THAP12: variants seen among roughly 807,000 people sequenced by gnomAD.
THAP12 encodes the protein THAP domain containing 12, also known as 52 kDa repressor of the inhibitor of the protein kinase.
THAP12 carries 20 observed loss-of-function variants against 63.0 expected under a neutral mutation model. The ratio of observed to expected loss-of-function variants is 0.32; its 90% CI spans 0.22 to 0.46. THAP12 has a LOEUF of 0.46. THAP12 is among the 20% of genes least tolerant of loss of function. The pLI is 1.00. For missense variants in THAP12, 568 were observed against 908.2 expected (o/e 0.63, Z 4.81); for synonymous variants, 264 against 328.4 (o/e 0.80, Z 2.12).
chr11:76,368,958 G>T (rs1235885144), intron 1 of THAP12, among the ~76,000 whole-genome samples: 1 of 152,136 alleles, frequency 6.6e-6, no homozygotes, highest in African/African-American at 2.4e-5. Context: ...ATTTAAGAGT[G>T]AAATGGCAGA....
Position 76,365,857 on chromosome 11 carries a change from T to C in THAP12, c.205A>G (p.Arg69Gly). Residue 69 changes from arginine (R) to glycine (G), a missense_variant, in exon 2 of 5, where the codon AGA becomes GGA. Coordinates refer to ENST00000260045, the MANE Select transcript of THAP12 (RefSeq NM_004705.4). ...AKHFETSMIC[R>G]TSPYRTVLRD... ...CAAGCTCTTCTATTACTCACAGTTC[T>C]ACAGATCATAGAGGTCTCAAAATGT... 6.2e-7 allele frequency: 1 copy of C among 1,612,320 alleles called. No individual in the cohort carries two copies. The highest frequency in any genetic ancestry group is 8.5e-7 in the Non-Finnish European group (1 of 1,179,340).
Position 76,352,079 on chromosome 11 carries a change from T to C in THAP12, c.1071A>G (p.Thr357=). The C allele has an allele frequency of 1.2e-6, 2 of 1,611,808 alleles. No individual in the cohort carries two copies. Among genetic ancestry groups the C allele is most frequent in the African/African-American group, 2.7e-5 (2 of 74,906 alleles). ...TATTTAAGGCACAGGAAGAGCAGAG[T>C]GTGTAGATAGCTTGGGGATATTTCT... ...LLEKYPQAIY[T]LCSSCALNMW... The change falls in exon 5 of 5, where the codon ACA becomes ACG. Residue 357 remains threonine (T), a synonymous_variant. Transcript: ENST00000260045.
chr11:76,363,598 T>TTTGTTTG (rs1946612692), intron 2 of THAP12, among the ~76,000 whole-genome samples: 1 of 151,788 alleles, frequency 6.6e-6, no homozygotes, highest in South Asian at 2.1e-4. Flanking sequence ...TTTTTGTTTG[T>TTTGTTTG]TTGTTTTTGA....
intron 1 of THAP12, among the ~76,000 whole-genome samples, chr11:76,373,294 G>T (rs545572565): frequency 6.6e-6 from 1 of 150,782 alleles, no homozygotes; most frequent in African/African-American, 2.4e-5. Flanking sequence ...TGCAATGACT[G>T]GAGATCGTGT....
chr11:76,377,712 T>C lies in THAP12; in HGVS notation c.89+3036A>G, dbSNP rs377074454. On this transcript the variant is annotated intron_variant, in intron 1 of 4. Transcript: ENST00000260045. ...AGTGCTGCTATGAATGTGTGTACAT[T>C]TGGTTTTTTTGAATATCAGTTTGCA... Among the ~76,000 whole-genome samples the C allele has an allele frequency of 3.3e-5, 5 of 152,356 alleles. No individual in the cohort carries two copies. The East Asian group carries it at 5.8e-4, about 18-fold the overall frequency.
rs1946596421 is a variant in THAP12 at position 76,361,307 on chromosome 11, C to T, written c.211-244G>A. The stretch of plus-strand genomic sequence containing the variant: ...AGGTAGGCATAAAATATAAAATGTA[C>T]TTGCATTTTGCATATCTGTTTCTAA... On this transcript the variant is annotated intron_variant, in intron 2 of 4. Coordinates refer to ENST00000260045, the MANE Select transcript of THAP12 (RefSeq NM_004705.4). 7.5e-6 allele frequency: 3 copies of T among 399,902 alleles called. No homozygotes were observed. The South Asian group carries it at 1.1e-4, about 15-fold the overall frequency. 24.8% of individuals were successfully genotyped at this position (399,902 alleles called of 1,614,324 possible).
chr11:76,380,059 C>T (rs559928158), intron 1 of THAP12, among the ~76,000 whole-genome samples: 69 of 152,292 alleles, frequency 4.5e-4, no homozygotes, highest in Non-Finnish European at 2.5e-4. Flanking sequence ...TGAAACATCT[C>T]AGCCTTTCAA....
intron 1 of THAP12, 21 bp downstream of exon 1, chr11:76,380,727 C>T: frequency 1.4e-6 from 2 of 1,400,808 alleles, no homozygotes; most frequent in Non-Finnish European, 1.9e-6. Context: ...CCGGGCCGCC[C>T]GCTCTGCGCC....
At position 76,371,895 on chromosome 11, in the gene THAP12, C is replaced by T. The variant is rs147040346; in HGVS notation, c.90-5923G>A. On this transcript the variant is annotated intron_variant, in intron 1 of 4. Coordinates refer to ENST00000260045, the MANE Select transcript of THAP12 (RefSeq NM_004705.4). ...TGGCACAATCTTGGCTCCCTGCAACCTCTGCCTCCTGGGTTCAAGCTACTC... is the reference window on the plus strand; with the variant it reads ...TGGCACAATCTTGGCTCCCTGCAACTTCTGCCTCCTGGGTTCAAGCTACTC... Among the ~76,000 whole-genome samples the T allele has an allele frequency of 4.9e-3, 714 of 145,362 alleles. 13 individuals carry two copies. Among genetic ancestry groups the T allele is most frequent in the East Asian group, 0.047 (235 of 4,980 alleles).
chr11:76,360,263 C>G (rs544973266), intron 3 of THAP12, among the ~76,000 whole-genome samples: 2 of 152,230 alleles, frequency 1.3e-5, no homozygotes, highest in South Asian at 2.1e-4. Context: ...ATTAAATACA[C>G]TAGCATGGAC....
intron 2 of THAP12, 28 bp from the exon 3 acceptor site, chr11:76,361,091 A>T: frequency 3.5e-6 from 5 of 1,415,786 alleles, no homozygotes; most frequent in Non-Finnish European, 5.0e-6. Flanking sequence ...GTTAATTCAG[A>T]GATGGTCCTT....
chr11:76,375,743 A>G (rs1946704621), intron 1 of THAP12, among the ~76,000 whole-genome samples: 1 of 11,242 alleles, frequency 8.9e-5, no homozygotes, highest in African/African-American at 2.1e-4. Context: ...TATAGAAGAA[A>G]AGGTGGGGGG....
chr11:76,373,307 T>C (rs1229067493), intron 1 of THAP12, among the ~76,000 whole-genome samples: 2 of 150,042 alleles, frequency 1.3e-5, no homozygotes, highest in African/African-American at 2.5e-5. Flanking sequence ...GATCGTGTCA[T>C]TGCACTTTAG....
intron 1 of THAP12, among the ~76,000 whole-genome samples, chr11:76,368,977 T>C (rs1946651667): frequency 6.6e-6 from 1 of 152,200 alleles, no homozygotes; most frequent in Admixed American, 6.5e-5. Flanking sequence ...GACCACAAAA[T>C]GTCAGATATT....
chr11:76,357,033 ACT>A (rs1402049204), intron 3 of THAP12: 2 of 149,748 alleles, frequency 1.3e-5, no homozygotes, highest in African/African-American at 2.5e-5. Context: ...CAAGAGCGAG[ACT>A]CTGTCTCAAA....
intron 2 of THAP12, 58 bp from the exon 3 acceptor site, chr11:76,361,121 A>G (rs1946595416): frequency 9.2e-7 from 1 of 1,081,826 alleles, no homozygotes; most frequent in African/African-American, 1.6e-5. Flanking sequence ...TTACACATCA[A>G]TAAAATTCTA....
Position 76,367,577 on chromosome 11 carries a change from G to A in THAP12, c.90-1605C>T, listed in dbSNP as rs553497474. Among the ~76,000 whole-genome samples, 7 of 151,936 alleles carry A rather than the reference G, an allele frequency of 4.6e-5. No individual in the cohort carries two copies. The South Asian group carries it at 1.2e-3, about 27-fold the overall frequency. ...AGCTGAGATTATAGGCGTGCACCACGACACTCAGCTAAGTTTTGTATTTAT... is the reference window on the plus strand; with the variant it reads ...AGCTGAGATTATAGGCGTGCACCACAACACTCAGCTAAGTTTTGTATTTAT... On this transcript the variant is annotated intron_variant, in intron 1 of 4. Transcript: ENST00000260045.
intron 4 of THAP12, among the ~76,000 whole-genome samples, chr11:76,353,004 A>T (rs1300998819): frequency 6.6e-6 from 1 of 152,180 alleles, no homozygotes; most frequent in East Asian, 1.9e-4. Context: ...GTGTAAAGAG[A>T]TATATTTTAA....
At position 76,380,975 on chromosome 11, in the gene THAP12, G is replaced by C. The variant is rs1424651221; in HGVS notation, c.-139C>G. 2 of 364,482 alleles carry C rather than the reference G, an allele frequency of 5.5e-6. No individual in the cohort carries two copies. Among genetic ancestry groups the C allele is most frequent in the Non-Finnish European group, 8.8e-6 (2 of 227,942 alleles). The allele number at this position is 364,482 out of a possible 1,614,324, so 22.6% of individuals were successfully genotyped here. The stretch of plus-strand genomic sequence containing the variant: ...CGACGCGCGGGGGAGGGGCGGGCGG[G>C]CTAGAAGCCGCGAGGGCCAGGAGGG... On this transcript the variant is annotated 5_prime_UTR_variant, in exon 1 of 5. Transcript: ENST00000260045.
Sources: gnomAD v4.1 joint callset for allele counts (sites outside exome capture counted in the v4.1 genomes callset) on GRCh38, gnomAD v4.1.1 for gene constraint, MANE v1.5 for transcripts, NCBI Gene and HGNC (gene_info 2026-07-23, HGNC 2026-07-21) for gene names.